GPRC5B: variants seen among roughly 807,000 people sequenced by gnomAD.
GPRC5B encodes G protein-coupled receptor class C group 5 member B, also known as G protein-coupled receptor family C group 5 member B.
Under a neutral mutation model 30.1 loss-of-function variants are expected in GPRC5B, and 16 were observed. The observed-to-expected ratio is 0.53, with a 90% confidence interval of 0.36 to 0.81. The LOEUF (loss-of-function observed/expected upper bound fraction) is 0.81. Among genes scored for constraint, GPRC5B ranks in the 30% least tolerant of loss-of-function variants. The pLI, the probability that GPRC5B is intolerant of heterozygous loss-of-function variation, is 0.01. For synonymous variants in GPRC5B, 241 were observed against 239.5 expected, an observed-to-expected ratio of 1.01 and a Z score of -0.06; for missense variants, 428 against 544.7, an observed-to-expected ratio of 0.79 and a Z score of 2.13.
chr16:19,856,779 A>G lies in GPRC5B; in HGVS notation c.*3721T>C. ...CATTATCCCCACATTTTATTCATTC[A>G]TCCAGATTACTTCTTCAGTGCCTCA... is the stretch of plus-strand genomic sequence containing the variant. On this transcript the variant is annotated 3_prime_UTR_variant, in exon 4 of 4. Transcript: ENST00000300571. 1 of 518,732 alleles carries G rather than the reference A, an allele frequency of 1.9e-6. No homozygotes were observed. Among genetic ancestry groups the G allele is most frequent in the Non-Finnish European group, 3.4e-6 (1 of 293,304 alleles). The allele number at this position is 518,732 out of a possible 1,614,324, so 32.1% of individuals were successfully genotyped here.
chr16:19,861,770 T>C, intron 3 of GPRC5B, 67 bp downstream of exon 3: 1 of 1,406,470 alleles, frequency 7.1e-7, no homozygotes, highest in South Asian at 1.2e-5. Context: ...TATGTCCCTG[T>C]TGAAGCTGCT....
chr16:19,871,296 AAAAAG>A (rs2056716709), intron 2 of GPRC5B, among the ~76,000 whole-genome samples: 1 of 150,676 alleles, frequency 6.6e-6, no homozygotes, highest in Admixed American at 6.6e-5. Context: ...AAAAAAAAAA[AAAAAG>A]AAAGAAAGAA....
chr16:19,862,576 A>T (rs1388680213), intron 2 of GPRC5B, among the ~76,000 whole-genome samples: 2 of 152,182 alleles, frequency 1.3e-5, no homozygotes, highest in Non-Finnish European at 2.9e-5. Context: ...TTGTTAAAGA[A>T]AAGCTAACAT....
At chr16:19,877,229 C>T (rs1786102275) in intron 1 of GPRC5B, among the ~76,000 whole-genome samples, 1 of 152,234 alleles carries the variant, frequency 6.6e-6, no homozygotes, top group African/African-American at 2.4e-5. Context: ...GCAGTTCCGG[C>T]AGCCAGTTAA....
At chr16:19,880,642 A>T (rs2056800227) in intron 1 of GPRC5B, among the ~76,000 whole-genome samples, 1 of 152,084 alleles carries the variant, frequency 6.6e-6, no homozygotes, top group South Asian at 2.1e-4. Flanking sequence ...CAGGTGCTGT[A>T]AGTGAGAGCC....
In GPRC5B at chr16:19,861,710, T is replaced by G. The variant is rs2056624025; in HGVS notation, c.1167+127A>C. 8.4e-6 allele frequency: 6 copies of G among 717,458 alleles called. 1 individual carries two copies. In the South Asian group the frequency reaches 1.1e-4, roughly 13 times the overall value. The allele number at this position is 717,458 out of a possible 1,614,324, so 44.4% of individuals were successfully genotyped here. A position where few individuals can be genotyped will look rare whatever the true frequency, so the allele number is the denominator to read the frequency against. ...AGAAAAATAAAAGCATTGCATGCGT[T>G]TGAGCTGTGGCGGTCCTTGCAGGCC... On this transcript the variant is annotated intron_variant, in intron 3 of 3. Transcript: ENST00000300571.
intron 2 of GPRC5B, among the ~76,000 whole-genome samples, chr16:19,866,076 G>A (rs1018260621): frequency 2.0e-5 from 3 of 151,916 alleles, no homozygotes; most frequent in African/African-American, 7.2e-5. Flanking sequence ...ACAGGCATGC[G>A]CCACCACGCC....
chr16:19,866,671 C>T (rs1014269918), intron 2 of GPRC5B, among the ~76,000 whole-genome samples: 1 of 152,172 alleles, frequency 6.6e-6, no homozygotes, highest in Non-Finnish European at 1.5e-5. Context: ...CGTGAGCCAG[C>T]GCACCTGGCT....
rs1439864886 is a variant in GPRC5B, at chr16:19,878,148, G to A, written c.-1-5302C>T. Among the ~76,000 whole-genome samples the A allele has an allele frequency of 2.0e-5, 3 of 150,940 alleles. No individual in the cohort carries two copies. In the East Asian group the frequency reaches 6.1e-4, roughly 31 times the overall value. ...CAGGAGGCGGAGGTTGCAGTGAGCC[G>A]AGGTCACGCCACTGCACTCTAGCCT... On this transcript the variant is annotated intron_variant, in intron 1 of 3. Coordinates refer to ENST00000300571, the MANE Select transcript of GPRC5B (RefSeq NM_016235.3).
chr16:19,883,814 C>G (rs1385990185), intron 1 of GPRC5B, among the ~76,000 whole-genome samples: 1 of 152,250 alleles, frequency 6.6e-6, no homozygotes, highest in Non-Finnish European at 1.5e-5. Context: ...AGTGAACCCG[C>G]TGCACGGGGG....
rs542051946 is a variant in GPRC5B, at chr16:19,858,452, G to T, written c.*2048C>A. On this transcript the variant is annotated 3_prime_UTR_variant, in exon 4 of 4. Transcript: ENST00000300571. Reference sequence around the variant, plus strand: ...TCACCTTATATGCTTGGACAATAAAGAACTTAGAAAACGAACGTGTGAATT... The same window carrying T: ...TCACCTTATATGCTTGGACAATAAATAACTTAGAAAACGAACGTGTGAATT... The T allele has an allele frequency of 2.4e-4, 164 of 672,512 alleles. No individual in the cohort carries two copies. In the African/African-American group the frequency reaches 2.6e-3, roughly 11 times the overall value. The allele number at this position is 672,512 out of a possible 1,614,324, so 41.7% of individuals were successfully genotyped here.
chr16:19,876,755 C>G (rs916078547), intron 1 of GPRC5B, among the ~76,000 whole-genome samples: 4 of 152,232 alleles, frequency 2.6e-5, no homozygotes, highest in Non-Finnish European at 5.9e-5. Context: ...TACACTCTTG[C>G]TTTCTGTTTT....
In GPRC5B at chr16:19,872,647, C is replaced by A; in HGVS notation, c.199G>T (p.Ala67Ser). The change falls in exon 2 of 4, where the codon GCC becomes TCC. Residue 67 changes from alanine to serine, a missense_variant. Around this residue, in one of 3 missense-constraint regions of GPRC5B, gnomAD observed 196 missense variants for 272.6 expected, o/e 0.72. Coordinates refer to ENST00000300571, the MANE Select transcript of GPRC5B (RefSeq NM_016235.3). This position sits in a 1 kb window ranked among gnomAD's most constrained non-coding sequence, Gnocchi z 5.0. ...AGCATCAGGAGCAGTGTGATCAGGG[C>A]GCCCGCCCCGGCCACCGCCTCCACC... ...IVVEAVAGAG[A>S]LITLLLMLIL... 1 of 1,613,992 alleles carries A rather than the reference C, an allele frequency of 6.2e-7. No individual in the cohort carries two copies. The highest frequency in any genetic ancestry group is 1.1e-5 in the South Asian group (1 of 91,084).
chr16:19,882,082 C>T (rs1205184992), intron 1 of GPRC5B: 1 of 152,254 alleles, frequency 6.6e-6, no homozygotes, highest in Non-Finnish European at 1.5e-5. Flanking sequence ...TAAACTGTTA[C>T]AAGGTTTCCT....
In GPRC5B at chr16:19,884,176, G is replaced by T. The variant is rs565592714; in HGVS notation, c.-2+551C>A. Among the ~76,000 whole-genome samples the T allele has an allele frequency of 2.7e-5, 3 of 112,910 alleles. No individual in the cohort carries two copies. The East Asian group carries it at 9.4e-4, about 35-fold the overall frequency. 74.1% of individuals were successfully genotyped at this position (112,910 alleles called of 152,430 possible). A position where few individuals can be genotyped will look rare whatever the true frequency, so the allele number is the denominator to read the frequency against. On this transcript the variant is annotated intron_variant, in intron 1 of 3. Coordinates refer to ENST00000300571, the MANE Select transcript of GPRC5B (RefSeq NM_016235.3). ...GGTCTCAGCTCTGCCATCTCCCACCGCCGTGTCCCCCCCTCCCCTTGCTGA... is the reference window on the plus strand; with the variant it reads ...GGTCTCAGCTCTGCCATCTCCCACCTCCGTGTCCCCCCCTCCCCTTGCTGA...
chr16:19,881,155 G>C (rs2056804118), intron 1 of GPRC5B, among the ~76,000 whole-genome samples: 1 of 152,202 alleles, frequency 6.6e-6, no homozygotes, highest in Non-Finnish European at 1.5e-5. Context: ...CAGGCCAGAA[G>C]AGGGGAGTCA....
chr16:19,871,953 G>A lies in GPRC5B; in HGVS notation c.893C>T (p.Pro298Leu), dbSNP rs920386206. 6.2e-7 allele frequency: 1 copy of A among 1,614,096 alleles called. No individual in the cohort carries two copies. Among genetic ancestry groups the A allele is most frequent in the Admixed American group, 1.7e-5 (1 of 60,030 alleles). ...GTTGGGCGTGTTCTCCTGCAGGGCT[G>A]GCAGAAGGGTGCAGTGGATCTCAGG... ...AIPEIHCTLLPALQENTPNYF... is the reference protein window; with the variant it reads ...AIPEIHCTLLLALQENTPNYF... Residue 298 changes from proline to leucine, a missense_variant, in exon 2 of 4, where the codon CCA (proline) becomes CTA (leucine). Pro to Leu is a moderately conservative substitution (Grantham distance 98, BLOSUM62 -3). Transcript: ENST00000300571.
intron 2 of GPRC5B, among the ~76,000 whole-genome samples, chr16:19,868,063 T>C (rs1289931980): frequency 2.7e-5 from 4 of 149,536 alleles, no homozygotes; most frequent in African/African-American, 9.9e-5. Flanking sequence ...TGAGACTCCA[T>C]CTAGAAAAAC....
rs2056625518 is a variant in GPRC5B at position 19,861,820 on chromosome 16, C to T, written c.1167+17G>A. On this transcript the variant is annotated intron_variant, in intron 3 of 3. Transcript: ENST00000300571. ...ACTCCTAGGCTTCCTACCCCCACAT[C>T]ACATCTTGATACTTACGGTCCCACC... is the stretch of plus-strand genomic sequence containing the variant. 5 of 1,610,704 alleles carry T rather than the reference C, an allele frequency of 3.1e-6. No individual in the cohort carries two copies. The highest frequency in any genetic ancestry group is 4.2e-6 in the Non-Finnish European group (5 of 1,177,820).
Sources: gnomAD v4.1 joint callset for allele counts (sites outside exome capture counted in the v4.1 genomes callset) on GRCh38, gnomAD v4.1.1 for gene constraint, gnomAD v4.1.1 regional missense constraint, Gnocchi (gnomAD v3.1) non-coding constraint, MANE v1.5 for transcripts, NCBI Gene and HGNC (gene_info 2026-07-23, HGNC 2026-07-21) for gene names.